Variants in APOOL observed in about 807,000 individuals in gnomAD.
The protein encoded by APOOL is MICOS complex subunit MIC27.
A neutral mutation model predicts 23.1 loss-of-function variants in APOOL; 12 were observed. The ratio of observed to expected loss-of-function variants is 0.52; its 90% CI spans 0.33 to 0.84. The LOEUF is 0.84. Ranked by LOEUF, APOOL falls within the 40% of genes least tolerant of loss-of-function variation. The probability of loss-of-function intolerance (pLI) is 0.02; values close to 1 mark genes in which losing one functional copy is unlikely to be tolerated. For synonymous variants in APOOL, 77 were observed against 69.9 expected, an observed-to-expected ratio of 1.10 and a Z score of -0.51; for missense variants, 212 against 199.6, an observed-to-expected ratio of 1.06 and a Z score of -0.37.
chrX:85,059,028 G>T (rs1399255623), intron 5 of APOOL, among the ~76,000 whole-genome samples: 2 of 41,437 alleles, frequency 4.8e-5, no homozygotes, highest in Non-Finnish European at 8.5e-5. Flanking sequence ...CCCTCCCCCC[G>T]CCCCCCACCC....
intron 1 of APOOL, among the ~76,000 whole-genome samples, chrX:85,014,074 T>TA (rs1921382489): frequency 8.9e-6 from 1 of 111,997 alleles, no homozygotes; most frequent in Non-Finnish European, 1.9e-5. Context: ...CACTATATAA[T>TA]ATCCCTCTTT....
Position 85,017,120 on chromosome X carries a change from G to A in APOOL, c.15+13193G>A, listed in dbSNP as rs377441332. Among the ~76,000 whole-genome samples, 10 of 111,923 alleles carry A rather than the reference G, an allele frequency of 8.9e-5. No individual in the cohort carries two copies. In the East Asian group the frequency reaches 1.1e-3, roughly 13 times the overall value. The stretch of plus-strand genomic sequence containing the variant: ...AGGGCAGGTTGGAAAATACCACCAC[G>A]TGGGGGCAGGGTTATTAAGTGGATC... On this transcript the variant is annotated intron_variant, in intron 1 of 8. Transcript: ENST00000373173.
chrX:85,092,798 G>A lies in APOOL; in HGVS notation c.*5120G>A, dbSNP rs1924566945. On this transcript the variant is annotated 3_prime_UTR_variant, in exon 9 of 9. Transcript: ENST00000373173. ...TGATTTGCAAAGCCTTTATCATACAGAAAAGGTGTACCTAAAAGAACACAT... is the reference window on the plus strand; with the variant it reads ...TGATTTGCAAAGCCTTTATCATACAAAAAAGGTGTACCTAAAAGAACACAT... The A allele has an allele frequency of 2.9e-6, 1 of 349,975 alleles. No homozygotes were observed. The highest frequency in any genetic ancestry group is 5.0e-5 in the Admixed American group (1 of 20,024). 28.8% of individuals were successfully genotyped at this position (349,975 alleles called of 1,213,427 possible).
At chrX:85,053,859 AT>A (rs1922862476) in intron 3 of APOOL, among the ~76,000 whole-genome samples, 1 of 111,230 alleles carries the variant, frequency 9.0e-6, no homozygotes, top group Non-Finnish European at 1.9e-5. Context: ...GGTAATTTAG[AT>A]TTTTTTCTCA....
chrX:85,034,865 A>T (rs1464173116), intron 1 of APOOL, among the ~76,000 whole-genome samples: 1 of 111,954 alleles, frequency 8.9e-6, no homozygotes, highest in Non-Finnish European at 1.9e-5. Flanking sequence ...TACAACACTG[A>T]TGGGCACCTA....
intron 1 of APOOL, among the ~76,000 whole-genome samples, chrX:85,028,188 G>C (rs1339775801): frequency 1.8e-5 from 2 of 111,280 alleles, no homozygotes; most frequent in African/African-American, 3.3e-5. Flanking sequence ...CTAAAACAAG[G>C]TGTTGGCAGG....
rs373547186 is a variant in APOOL, at chrX:85,015,377, T to C, written c.15+11450T>C. On this transcript the variant is annotated intron_variant, in intron 1 of 8. Coordinates refer to ENST00000373173, the MANE Select transcript of APOOL (RefSeq NM_198450.6). ...CCACTGCTTGGGGAGCTCGTGTGAT[T>C]ATTTGGGGGTGTTATAGAACCCTGT... is the stretch of plus-strand genomic sequence containing the variant. Among the ~76,000 whole-genome samples the C allele has an allele frequency of 1.5e-4, 17 of 110,480 alleles. No individual in the cohort carries two copies. The South Asian group carries it at 2.3e-3, about 15-fold the overall frequency.
At chrX:85,059,933 G>C (rs1433082736) in intron 5 of APOOL, among the ~76,000 whole-genome samples, 1 of 108,185 alleles carries the variant, frequency 9.2e-6, no homozygotes, top group African/African-American at 3.4e-5. Context: ...TTTGGTGTTT[G>C]AGACATGAAG....
rs750883334 is a variant in APOOL at position 85,090,385 on chromosome X, A to G, written c.*2707A>G. On this transcript the variant is annotated 3_prime_UTR_variant, in exon 9 of 9. Transcript: ENST00000373173. ...GTAAGGGGTTGGGAACAGGTGCTGA[A>G]TTAAAGCTAACATACAGTATCTACT... 1.8e-5 allele frequency: 2 copies of G among 111,448 alleles called. No homozygotes were observed. The highest frequency in any genetic ancestry group is 3.3e-5 in the African/African-American group (1 of 30,678). 9.2% of individuals were successfully genotyped at this position (111,448 alleles called of 1,213,427 possible).
intron 1 of APOOL, among the ~76,000 whole-genome samples, chrX:85,040,300 CCTT>C (rs1338678152): frequency 1.8e-5 from 2 of 110,913 alleles, no homozygotes; most frequent in Admixed American, 9.6e-5. Flanking sequence ...TTACAGATGA[CCTT>C]CTTCTTCTCT....
chrX:85,080,024 A>T (rs1335374162), intron 8 of APOOL, among the ~76,000 whole-genome samples: 3 of 111,233 alleles, frequency 2.7e-5, no homozygotes, highest in Non-Finnish European at 3.8e-5. Context: ...AATTTTGTTG[A>T]TCTTTTCAAA....
rs1299640632 is a variant in APOOL, at chrX:85,051,376, T to A, written c.121-13T>A. 16 of 1,206,996 alleles carry A rather than the reference T, an allele frequency of 1.3e-5. No homozygotes were observed. Among genetic ancestry groups the A allele is most frequent in the Admixed American group, 1.1e-4 (5 of 45,521 alleles). On this transcript the variant is annotated splice_polypyrimidine_tract_variant and intron_variant, in intron 2 of 8. Coordinates refer to ENST00000373173, the MANE Select transcript of APOOL (RefSeq NM_198450.6). ...TATTTTATGTTTTTGACATGAACATTTTTTGCCTGTAGCTCCCCATATATA... is the reference window on the plus strand; with the variant it reads ...TATTTTATGTTTTTGACATGAACATATTTTGCCTGTAGCTCCCCATATATA...
chrX:85,020,188 A>G (rs752333378), intron 1 of APOOL, among the ~76,000 whole-genome samples: 1 of 112,161 alleles, frequency 8.9e-6, no homozygotes, highest in African/African-American at 3.2e-5. Context: ...AGGATGCTCC[A>G]GCAGTCATTC....
intron 1 of APOOL, among the ~76,000 whole-genome samples, chrX:85,045,961 A>G (rs1922558795): frequency 9.0e-6 from 1 of 111,202 alleles, no homozygotes; most frequent in African/African-American, 3.3e-5. Context: ...ATAATATAAC[A>G]TATAGTTTAT....
chrX:85,030,078 C>CA (rs1399392050), intron 1 of APOOL, among the ~76,000 whole-genome samples: 1 of 112,128 alleles, frequency 8.9e-6, no homozygotes, highest in Admixed American at 9.5e-5. Context: ...CAGCACAACT[C>CA]ACAATTGCAA....
At chrX:85,077,170 A>G (rs746790492) in intron 8 of APOOL, among the ~76,000 whole-genome samples, 32 of 105,340 alleles carry the variant, frequency 3.0e-4, no homozygotes, top group Non-Finnish European at 5.6e-4. Flanking sequence ...GGTTTGTTAC[A>G]TAGGTATACA....
intron 5 of APOOL, among the ~76,000 whole-genome samples, chrX:85,062,681 A>G (rs1221358049): frequency 1.8e-5 from 2 of 110,508 alleles, no homozygotes; most frequent in South Asian, 3.8e-4. Context: ...ATGGTTGTAG[A>G]TGTGCGGTTT....
intron 1 of APOOL, among the ~76,000 whole-genome samples, chrX:85,037,550 G>A (rs919155498): frequency 5.4e-5 from 6 of 111,248 alleles, no homozygotes; most frequent in Non-Finnish European, 1.1e-4. Flanking sequence ...TCAGCAGTGT[G>A]AAAACAGACT....
Position 85,039,078 on chromosome X carries a change from G to A in APOOL, c.16-7368G>A, listed in dbSNP as rs139645491. Among the ~76,000 whole-genome samples, 325 of 110,732 alleles carry A rather than the reference G, an allele frequency of 2.9e-3. 2 individuals carry two copies. The highest frequency in any genetic ancestry group is 0.01 in the African/African-American group (308 of 30,535). On this transcript the variant is annotated intron_variant, in intron 1 of 8. Coordinates refer to ENST00000373173, the MANE Select transcript of APOOL (RefSeq NM_198450.6). Reference sequence around the variant, plus strand: ...TTCCTCTTAATAGTGCTTTAGCTGTGTCCCAGGGGTTCTGGTATGTTGTAT... The same window carrying A: ...TTCCTCTTAATAGTGCTTTAGCTGTATCCCAGGGGTTCTGGTATGTTGTAT...
Sources: allele counts gnomAD v4.1 joint callset (sites outside exome capture counted in the v4.1 genomes callset), GRCh38; gene constraint gnomAD v4.1.1; transcripts MANE v1.5; gene names NCBI Gene and HGNC (gene_info 2026-07-23, HGNC 2026-07-21).